The following VTI1A variants were observed in gnomAD, a reference collection of about 807,000 sequenced individuals.
The protein encoded by VTI1A is vesicle transport through interaction with t-SNAREs 1A, also known as vesicle transport through interaction with t-SNAREs homolog 1A.
Under a neutral mutation model 34.9 loss-of-function variants are expected in VTI1A, and 22 were observed. The observed-to-expected ratio is 0.63, with a 90% CI of 0.45 to 0.90. The LOEUF is 0.90. VTI1A is among the 40% of genes least tolerant of loss of function. VTI1A has a pLI of 0.00. For missense variants in VTI1A, 268 were observed against 275.6 expected, an observed-to-expected ratio of 0.97 and a Z score of 0.20; for synonymous variants, 87 against 97.3, an observed-to-expected ratio of 0.89 and a Z score of 0.62.
chr10:112,628,139 T>G (rs1344929637), intron 5 of VTI1A, among the ~76,000 whole-genome samples: 1 of 152,202 alleles, frequency 6.6e-6, no homozygotes, highest in Non-Finnish European at 1.5e-5. Context: ...ACCTCCAAGG[T>G]CTGTATAGAT....
chr10:112,722,454 G>A (rs7922476), intron 7 of VTI1A, among the ~76,000 whole-genome samples: 24,634 of 151,970 alleles, frequency 0.16, 3,864 homozygotes, highest in African/African-American at 0.39. Flanking sequence ...GCACATGTAT[G>A]CATATGTAAC....
intron 3 of VTI1A, among the ~76,000 whole-genome samples, chr10:112,481,382 C>G (rs1247239886): frequency 6.6e-6 from 1 of 152,104 alleles, no homozygotes; most frequent in African/African-American, 2.4e-5. Flanking sequence ...AAAACAAATC[C>G]TCAGTCTTTG....
intron 3 of VTI1A, among the ~76,000 whole-genome samples, chr10:112,520,385 T>G (rs1849969918): frequency 6.6e-6 from 1 of 152,066 alleles, no homozygotes; most frequent in Non-Finnish European, 1.5e-5. Flanking sequence ...GATACTAACT[T>G]ATGTTGCCTT....
chr10:112,560,401 T>G (rs1851684096), intron 5 of VTI1A, among the ~76,000 whole-genome samples: 1 of 152,130 alleles, frequency 6.6e-6, no homozygotes, highest in Non-Finnish European at 1.5e-5. Context: ...CAAAGAAGAC[T>G]ACCCTGACCA....
intron 3 of VTI1A, among the ~76,000 whole-genome samples, chr10:112,474,800 C>T (rs965085560): frequency 6.6e-6 from 1 of 152,200 alleles, no homozygotes; most frequent in African/African-American, 2.4e-5. Flanking sequence ...TACTAAGGCT[C>T]TGCTAGGTGA....
At chr10:112,846,848 A>G in the VTI1A span, among the ~76,000 whole-genome samples, 7 of 152,164 alleles carry the variant, frequency 4.6e-5, no homozygotes, top group Admixed American at 4.6e-4. Flanking sequence ...CAAATTGTCT[A>G]CTGGCTACCA....
chr10:112,563,307 CAA>C (rs1235776569), intron 5 of VTI1A, among the ~76,000 whole-genome samples: 1 of 152,166 alleles, frequency 6.6e-6, no homozygotes, highest in Non-Finnish European at 1.5e-5. Flanking sequence ...AGACTGCAAA[CAA>C]AGACTATAAC....
intron 5 of VTI1A, among the ~76,000 whole-genome samples, chr10:112,623,389 A>G (rs1300428911): frequency 2.0e-5 from 3 of 151,884 alleles, no homozygotes; most frequent in African/African-American, 4.8e-5. Flanking sequence ...GTGTATGTAT[A>G]TATACGTAGA....
intron 3 of VTI1A, among the ~76,000 whole-genome samples, chr10:112,470,345 G>A (rs1848034402): frequency 6.6e-6 from 1 of 152,198 alleles, no homozygotes; most frequent in Admixed American, 6.5e-5. Flanking sequence ...CAAACAAAAT[G>A]TATTGTGTGC....
At chr10:112,686,707 C>T (rs1476375316) in intron 7 of VTI1A, among the ~76,000 whole-genome samples, 2 of 152,188 alleles carry the variant, frequency 1.3e-5, no homozygotes, top group Non-Finnish European at 2.9e-5. Context: ...TAAGTGCCTA[C>T]TATATGCTCT....
At chr10:112,736,738 A>G in intron 7 of VTI1A, 1 of 1,551,150 alleles carries the variant, frequency 6.4e-7, no homozygotes, top group Non-Finnish European at 8.7e-7. Context: ...GTTCTGTGAA[A>G]AAACAATGTA....
intron 7 of VTI1A, among the ~76,000 whole-genome samples, chr10:112,810,166 G>T (rs1853233739): frequency 6.6e-6 from 1 of 152,024 alleles, no homozygotes; most frequent in Admixed American, 6.5e-5. Context: ...ACTTTGGGAG[G>T]CCAAGATGGG....
chr10:112,735,996 A>C (rs1017986990), intron 7 of VTI1A, among the ~76,000 whole-genome samples: 2 of 149,684 alleles, frequency 1.3e-5, no homozygotes, highest in Non-Finnish European at 3.0e-5. Context: ...GTGAAATTTA[A>C]AATATACATA....
chr10:112,514,952 C>A (rs959707672), intron 3 of VTI1A, among the ~76,000 whole-genome samples: 3 of 151,952 alleles, frequency 2.0e-5, no homozygotes, highest in Non-Finnish European at 4.4e-5. Context: ...ACGTGTAATG[C>A]TACAGGTTTA....
chr10:112,756,987 A>G (rs1433091499), intron 7 of VTI1A, among the ~76,000 whole-genome samples: 2 of 151,742 alleles, frequency 1.3e-5, no homozygotes, highest in African/African-American at 2.4e-5. Flanking sequence ...TCAAGGCTGC[A>G]GTGAGCCGAA....
rs78914593 is a variant in VTI1A at position 112,472,533 on chromosome 10, CTT to C, written c.264+7891_264+7892del. 8.1e-3 allele frequency among the ~76,000 whole-genome samples: 1,088 copies of C among 134,642 alleles called. 12 individuals are homozygous for C. Among genetic ancestry groups the C allele is most frequent in the African/African-American group, 0.027 (1,005 of 36,740 alleles). The allele number at this position is 134,642 out of a possible 152,430, so 88.3% of individuals were successfully genotyped here. A position where few individuals can be genotyped will look rare whatever the true frequency, so the allele number is the denominator to read the frequency against. On this transcript the variant is annotated intron_variant, in intron 3 of 7. Transcript: ENST00000393077. Reference sequence around the variant, plus strand: ...TATGAGTAAAGCCAGTACCCATATTCTTTTTTTTTTTTTTTTAACTCGAGATA... The same window carrying C: ...TATGAGTAAAGCCAGTACCCATATTCTTTTTTTTTTTTTTAACTCGAGATA...
intron 5 of VTI1A, among the ~76,000 whole-genome samples, chr10:112,581,498 A>C (rs1393913257): frequency 6.6e-6 from 1 of 152,258 alleles, no homozygotes; most frequent in Non-Finnish European, 1.5e-5. Context: ...TGCAAGATTG[A>C]GATAACAGAA....
At chr10:112,757,428 A>G (rs1851327511) in intron 7 of VTI1A, among the ~76,000 whole-genome samples, 1 of 126,844 alleles carries the variant, frequency 7.9e-6, no homozygotes, top group African/African-American at 3.1e-5. Context: ...GTGCAGTGAC[A>G]CCATCTCAGC....
chr10:112,700,381 G>A (rs533782102), intron 7 of VTI1A, among the ~76,000 whole-genome samples: 80 of 152,262 alleles, frequency 5.3e-4, no homozygotes, highest in Middle Eastern at 3.4e-3. Context: ...TTATTGAAAA[G>A]CAAAGATACT....
Sources: gnomAD v4.1 joint callset for allele counts (sites outside exome capture counted in the v4.1 genomes callset) on GRCh38, gnomAD v4.1.1 for gene constraint, MANE v1.5 for transcripts, NCBI Gene and HGNC (gene_info 2026-07-23, HGNC 2026-07-21) for gene names.